Variants in PDXDC1 observed in about 807,000 individuals in gnomAD.
PDXDC1 encodes the protein pyridoxal-dependent decarboxylase domain-containing protein 1.
Under a neutral mutation model 100.1 loss-of-function variants are expected in PDXDC1, and 42 were observed. The observed-to-expected ratio is 0.42, with a 90% CI of 0.33 to 0.54. The LOEUF (loss-of-function observed/expected upper bound fraction) is 0.54, where lower values mean the gene tolerates loss of function less well. Ranked by LOEUF, PDXDC1 falls within the 20% of genes least tolerant of loss-of-function variation. PDXDC1 has a pLI of 0.10. For synonymous variants in PDXDC1, 260 were observed against 371.7 expected (o/e 0.70, Z 3.46); for missense variants, 636 against 979.2 (o/e 0.65, Z 4.68).
At chr16:15,033,792 C>G (rs1319695454) in intron 19 of PDXDC1, among the ~76,000 whole-genome samples, 4 of 152,220 alleles carry the variant, frequency 2.6e-5, no homozygotes, top group Non-Finnish European at 4.4e-5. Context: ...TACACCCCTT[C>G]CCTATAGCAC....
intron 12 of PDXDC1, 126 bp downstream of exon 12, chr16:15,019,091 C>T: frequency 1.2e-5 from 16 of 1,328,580 alleles, no homozygotes; most frequent in Non-Finnish European, 1.7e-5. Flanking sequence ...GAGCCAGAGA[C>T]TAATCGCCCT....
chr16:15,038,097 A>G lies in PDXDC1; in HGVS notation c.*1822A>G, dbSNP rs1194652431. 3 of 1,612,842 alleles carry G rather than the reference A, an allele frequency of 1.9e-6. No homozygotes were observed. Among genetic ancestry groups the G allele is most frequent in the Admixed American group, 3.3e-5 (2 of 59,962 alleles). ...CATTTTTTTTGTAGAGTAGGGCTTTATTTCCAGAAAACAGTGTGTGAGCTG... is the reference window on the plus strand; with the variant it reads ...CATTTTTTTTGTAGAGTAGGGCTTTGTTTCCAGAAAACAGTGTGTGAGCTG... On this transcript the variant is annotated 3_prime_UTR_variant, in exon 23 of 23. Coordinates refer to ENST00000396410, the MANE Select transcript of PDXDC1 (RefSeq NM_015027.4).
rs574367825 is a variant in PDXDC1, at chr16:15,023,411, T to C, written c.1140+657T>C. ...GTTCATTGAGTGTTTCTTTGACAAT[T>C]CTGCAAGGTATGCTTAAGTTTAACA... is the stretch of plus-strand genomic sequence containing the variant. On this transcript the variant is annotated intron_variant, in intron 13 of 22. Coordinates refer to ENST00000396410, the MANE Select transcript of PDXDC1 (RefSeq NM_015027.4). 3.9e-5 allele frequency among the ~76,000 whole-genome samples: 6 copies of C among 152,294 alleles called. No homozygotes were observed. The South Asian group carries it at 1.2e-3, about 31-fold the overall frequency.
chr16:15,063,087 C>T, intron 16 of PDXDC1: 2 of 845,338 alleles, frequency 2.4e-6, no homozygotes, highest in Admixed American at 3.5e-5. Context: ...GCCTTGACCC[C>T]CTAAAGTGCG....
At position 15,088,359 on chromosome 16, in the gene PDXDC1, C is replaced by G. The variant is rs543132070; in HGVS notation, c.1400-50520C>G. 3.3e-5 allele frequency among the ~76,000 whole-genome samples: 5 copies of G among 151,770 alleles called. No individual in the cohort carries two copies. In the South Asian group the frequency reaches 8.3e-4, roughly 25 times the overall value. On this transcript the variant is annotated intron_variant, in intron 16 of 16. Transcript: ENST00000535621. ...GCACATGCTTGTGGTCCCAGATGCT[C>G]GGGAGCCTGAGGTGGGAAGATTGCT...
intron 1 of PDXDC1, among the ~76,000 whole-genome samples, chr16:14,987,595 C>T (rs1969673882): frequency 6.6e-6 from 1 of 152,290 alleles, no homozygotes; most frequent in South Asian, 2.1e-4. Context: ...AGGAACTTGA[C>T]ATAGAATACT....
At chr16:15,092,056 G>C (rs182119205) in intron 16 of PDXDC1, among the ~76,000 whole-genome samples, 2 of 152,284 alleles carry the variant, frequency 1.3e-5, no homozygotes, top group Non-Finnish European at 2.9e-5. Flanking sequence ...GTGTGTGCCT[G>C]TAACCCCACC....
chr16:15,028,197 A>C (rs1487748054), intron 14 of PDXDC1, among the ~76,000 whole-genome samples: 2 of 152,268 alleles, frequency 1.3e-5, no homozygotes, highest in African/African-American at 4.8e-5. Flanking sequence ...TCCGCGCTCC[A>C]GAACACTCTG....
upstream of PDXDC1, chr16:14,974,799 A>C: frequency 6.5e-7 from 1 of 1,535,478 alleles, no homozygotes; most frequent in East Asian, 2.4e-5. Context: ...TGGGCCCGGA[A>C]GTGAGGTGCG....
At chr16:14,975,948 C>T (rs71232874) in intron 1 of PDXDC1, among the ~76,000 whole-genome samples, 5 of 152,300 alleles carry the variant, frequency 3.3e-5, no homozygotes, top group African/African-American at 1.2e-4. Context: ...AACTTCCTGG[C>T]TCCCCCATTC....
chr16:15,074,730 A>G (rs781616496), intron 16 of PDXDC1: 2 of 1,613,516 alleles, frequency 1.2e-6, no homozygotes, highest in Admixed American at 1.7e-5. Context: ...TACCATCTAC[A>G]TAGCAGACAT....
Position 15,038,110 on chromosome 16 carries a change from A to C in PDXDC1, c.*1835A>C. On this transcript the variant is annotated 3_prime_UTR_variant, in exon 23 of 23. Transcript: ENST00000396410. Reference sequence around the variant, plus strand: ...GAGTAGGGCTTTATTTCCAGAAAACAGTGTGTGAGCTGGAGATGGGTGTTT... The same window carrying C: ...GAGTAGGGCTTTATTTCCAGAAAACCGTGTGTGAGCTGGAGATGGGTGTTT... 3 of 1,612,296 alleles carry C rather than the reference A, an allele frequency of 1.9e-6. No individual in the cohort carries two copies. Among genetic ancestry groups the C allele is most frequent in the Non-Finnish European group, 2.5e-6 (3 of 1,178,412 alleles).
intron 16 of PDXDC1, chr16:15,130,210 C>G (rs1442600325): frequency 3.2e-6 from 5 of 1,550,588 alleles, no homozygotes; most frequent in Non-Finnish European, 4.4e-6. Flanking sequence ...ACAGGAAACA[C>G]AAAGCGTACA....
intron 16 of PDXDC1, chr16:15,106,458 G>C (rs371688123): frequency 8.6e-7 from 1 of 1,164,160 alleles, no homozygotes; most frequent in African/African-American, 1.5e-5. Flanking sequence ...TCAGATGGCT[G>C]TAAGAGTACA....
Position 15,104,550 on chromosome 16 carries a change from G to T in PDXDC1, c.1400-34329G>T, listed in dbSNP as rs188912643. The T allele has an allele frequency of 1.0e-3, 1,585 of 1,580,124 alleles. 81 individuals are homozygous for T. In the South Asian group the frequency reaches 0.019, roughly 19 times the overall value. On this transcript the variant is annotated intron_variant, in intron 16 of 16. Transcript: ENST00000535621. ...GGGGAGTGAGCAGACACTCGGAGGTGTCTTGAGATTATCATCCGCTGAGGG... is the reference window on the plus strand; with the variant it reads ...GGGGAGTGAGCAGACACTCGGAGGTTTCTTGAGATTATCATCCGCTGAGGG...
chr16:15,076,209 G>A (rs1299821974), intron 16 of PDXDC1, among the ~76,000 whole-genome samples: 1 of 152,156 alleles, frequency 6.6e-6, no homozygotes, highest in Non-Finnish European at 1.5e-5. Context: ...CCCAAAAGAA[G>A]TAATGCTATA....
chr16:15,017,939 C>T (rs1326915943), intron 11 of PDXDC1, among the ~76,000 whole-genome samples: 2 of 152,332 alleles, frequency 1.3e-5, no homozygotes, highest in African/African-American at 4.8e-5. Flanking sequence ...GGATTACAGG[C>T]ATGCGCCACC....
chr16:15,094,291 A>G (rs1300415874), intron 16 of PDXDC1: 2 of 1,397,298 alleles, frequency 1.4e-6, no homozygotes, highest in East Asian at 2.5e-5. Flanking sequence ...CCTTCCAGCC[A>G]CAGCCTCTGT....
the PDXDC1 span, among the ~76,000 whole-genome samples, chr16:15,144,939 G>T: frequency 6.6e-6 from 1 of 152,170 alleles, no homozygotes; most frequent in East Asian, 1.9e-4. Flanking sequence ...AATGAGGGCC[G>T]GCTCCTGGTG....
Sources: allele counts gnomAD v4.1 joint callset (sites outside exome capture counted in the v4.1 genomes callset), GRCh38; gene constraint gnomAD v4.1.1; transcripts MANE v1.5; gene names NCBI Gene and HGNC (gene_info 2026-07-23, HGNC 2026-07-21).